KCNK2: variants seen among roughly 807,000 people sequenced by gnomAD.
KCNK2 encodes the protein potassium channel subfamily K member 2.
Under a neutral mutation model 40.5 loss-of-function variants are expected in KCNK2, and 21 were observed. That is an observed-to-expected ratio of 0.52 (90% CI 0.37 to 0.75). The LOEUF (loss-of-function observed/expected upper bound fraction) is 0.75, where lower values mean the gene tolerates loss of function less well. Among genes scored for constraint, KCNK2 ranks in the 30% least tolerant of loss-of-function variants. KCNK2 has a pLI of 0.00. For missense variants in KCNK2, 399 were observed against 531.6 expected, an observed-to-expected ratio of 0.75 and a Z score of 2.45; for synonymous variants, 191 against 202.2, an observed-to-expected ratio of 0.94 and a Z score of 0.47.
intron 6 of KCNK2, among the ~76,000 whole-genome samples, chr1:215,231,423 A>G (rs114073127): frequency 1.8e-4 from 28 of 152,256 alleles, no homozygotes; most frequent in African/African-American, 6.7e-4. Context: ...ATTGTGTAAA[A>G]TTTTGTATGT....
chr1:215,026,828 G>A (rs1657017211), intron 1 of KCNK2, among the ~76,000 whole-genome samples: 1 of 151,464 alleles, frequency 6.6e-6, no homozygotes, highest in Admixed American at 6.6e-5. Flanking sequence ...ATGTGTGTGT[G>A]TATGTGTAAA....
At chr1:215,070,866 A>G (rs952817998) in intron 1 of KCNK2, among the ~76,000 whole-genome samples, 1 of 152,228 alleles carries the variant, frequency 6.6e-6, no homozygotes, top group Non-Finnish European at 1.5e-5. Flanking sequence ...GACACATGCA[A>G]TTACGATCAA....
chr1:215,078,095 A>T (rs1659013517), upstream of KCNK2, among the ~76,000 whole-genome samples: 1 of 152,182 alleles, frequency 6.6e-6, no homozygotes, highest in African/African-American at 2.4e-5. Context: ...AAATACACTA[A>T]CACTAATGTT....
intron 2 of KCNK2, among the ~76,000 whole-genome samples, chr1:215,091,841 CCACATACAGA>C (rs1365944721): frequency 6.6e-6 from 1 of 152,100 alleles, no homozygotes; most frequent in African/African-American, 2.4e-5. Flanking sequence ...AGAATGCTCA[CCACATACAGA>C]GGTTCTCACC....
chr1:215,076,116 C>T (rs1484035911), intron 1 of KCNK2, among the ~76,000 whole-genome samples: 1 of 152,202 alleles, frequency 6.6e-6, no homozygotes, highest in Non-Finnish European at 1.5e-5. Context: ...ATGTCCAACT[C>T]CCTTCTCATT....
At position 215,083,194 on chromosome 1, in the gene KCNK2, T is replaced by TACCCCCCCCCCC; in HGVS notation, c.-192_-191insACCCCCCCCCCC. ...CCCGCGATTTCGTTTCTTCTCACGC[T>TACCCCCCCCCCC]CCCCCCCCCGCCCCCTCCCGCGTCC... On this transcript the variant is annotated 5_prime_UTR_variant, in exon 1 of 7. Transcript: ENST00000444842. 1 of 501,814 alleles carries TACCCCCCCCCCC rather than the reference T, an allele frequency of 2.0e-6. No individual in the cohort carries two copies. The highest frequency in any genetic ancestry group is 3.4e-5 in the Admixed American group (1 of 29,534). 31.1% of individuals were successfully genotyped at this position (501,814 alleles called of 1,614,324 possible).
At chr1:215,037,002 C>CATT (rs1657408027) in intron 1 of KCNK2, among the ~76,000 whole-genome samples, 1 of 125,854 alleles carries the variant, frequency 7.9e-6, no homozygotes, top group African/African-American at 3.0e-5. Context: ...CCTTTTATTC[C>CATT]TTTTTTTTTT....
At chr1:215,089,438 TG>T (rs886077169) in intron 2 of KCNK2, among the ~76,000 whole-genome samples, 2 of 152,174 alleles carry the variant, frequency 1.3e-5, no homozygotes, top group African/African-American at 4.8e-5. Flanking sequence ...GGTCTGACAG[TG>T]GGCCAATATC....
chr1:215,035,449 A>G (rs1657350770), intron 1 of KCNK2, among the ~76,000 whole-genome samples: 2 of 152,016 alleles, frequency 1.3e-5, no homozygotes. Context: ...CCAGGAAACC[A>G]CTGATCTGTT....
At chr1:215,229,939 T>C (rs1666552725) in intron 6 of KCNK2, among the ~76,000 whole-genome samples, 1 of 151,466 alleles carries the variant, frequency 6.6e-6, no homozygotes, top group Admixed American at 6.6e-5. Flanking sequence ...AACCATATCA[T>C]CTTCACCTAT....
intron 6 of KCNK2, among the ~76,000 whole-genome samples, chr1:215,230,766 C>T (rs904299927): frequency 6.6e-6 from 1 of 151,594 alleles, no homozygotes; most frequent in Admixed American, 6.6e-5. Context: ...TTCATCCCCC[C>T]ACCTGTCCCA....
intron 3 of KCNK2, among the ~76,000 whole-genome samples, chr1:215,157,287 A>G (rs1165281728): frequency 6.6e-6 from 1 of 152,186 alleles, no homozygotes; most frequent in Non-Finnish European, 1.5e-5. Flanking sequence ...CCACTCCCCA[A>G]GGCACAAAAA....
intron 1 of KCNK2, among the ~76,000 whole-genome samples, chr1:215,014,340 A>G (rs894975156): frequency 2.6e-5 from 4 of 151,796 alleles, no homozygotes; most frequent in Non-Finnish European, 4.4e-5. Flanking sequence ...TTTTACATAT[A>G]TGTACATGAG....
intron 3 of KCNK2, among the ~76,000 whole-genome samples, chr1:215,135,881 C>T (rs952549668): frequency 1.3e-4 from 19 of 151,874 alleles, no homozygotes; most frequent in Admixed American, 2.6e-4. Flanking sequence ...ACTACAGGCA[C>T]GTGCCAGCAT....
At chr1:215,184,853 T>G (rs1045939466) in intron 5 of KCNK2, among the ~76,000 whole-genome samples, 1 of 152,096 alleles carries the variant, frequency 6.6e-6, no homozygotes, top group Non-Finnish European at 1.5e-5. Flanking sequence ...ATTCAGTATG[T>G]GGCCCTCATG....
At chr1:215,167,153 T>A (rs1663481910) in intron 3 of KCNK2, among the ~76,000 whole-genome samples, 1 of 152,172 alleles carries the variant, frequency 6.6e-6, no homozygotes, top group Non-Finnish European at 1.5e-5. Flanking sequence ...CACTCCATGT[T>A]CTTTTTGTAT....
chr1:215,112,661 T>G (rs2102564963), intron 2 of KCNK2, among the ~76,000 whole-genome samples: 1 of 152,306 alleles, frequency 6.6e-6, no homozygotes, highest in Non-Finnish European at 1.5e-5. Flanking sequence ...CATGTAAGTG[T>G]ACCATTTTTT....
chr1:215,049,309 A>T (rs950496925), intron 1 of KCNK2, among the ~76,000 whole-genome samples: 3 of 152,156 alleles, frequency 2.0e-5, no homozygotes, highest in Non-Finnish European at 4.4e-5. Context: ...CTTCAGTGAA[A>T]TGTGTTTTTC....
chr1:215,228,094 AATATGGATTTGGGAGTCATCAGC>A (rs1219578661), intron 6 of KCNK2, among the ~76,000 whole-genome samples: 10 of 152,212 alleles, frequency 6.6e-5, no homozygotes, highest in Admixed American at 6.5e-5. Context: ...TTGACCTAGA[AATATGGATTTGGGAGTCATCAGC>A]AAATAGATGG....
Sources: gnomAD v4.1 joint callset for allele counts (sites outside exome capture counted in the v4.1 genomes callset) on GRCh38, gnomAD v4.1.1 for gene constraint, MANE v1.5 for transcripts, NCBI Gene and HGNC (gene_info 2026-07-23, HGNC 2026-07-21) for gene names.